Variants in SUN2 observed in about 807,000 individuals in gnomAD.
The protein encoded by SUN2 is Sad1 and UNC84 domain containing 2, also known as SUN domain-containing protein 2.
SUN2 carries 60 observed loss-of-function variants against 100.0 expected under a neutral mutation model. That is an observed-to-expected ratio of 0.60 (90% CI 0.49 to 0.74). The LOEUF (loss-of-function observed/expected upper bound fraction) is 0.74. Ranked by LOEUF, SUN2 falls within the 30% of genes least tolerant of loss-of-function variation. The probability of loss-of-function intolerance (pLI) is 0.00; values close to 1 mark genes in which losing one functional copy is unlikely to be tolerated. For missense variants in SUN2, 834 were observed against 954.6 expected (o/e 0.87, Z 1.66); for synonymous variants, 367 against 403.3 (o/e 0.91, Z 1.08).
In SUN2 at chr22:38,739,043, C is replaced by G; in HGVS notation, c.1664-55G>C. The G allele has an allele frequency of 6.5e-7, 1 of 1,527,532 alleles. No homozygotes were observed. Among genetic ancestry groups the G allele is most frequent in the South Asian group, 1.2e-5 (1 of 84,720 alleles). 94.6% of individuals were successfully genotyped at this position (1,527,532 alleles called of 1,614,324 possible). A position where few individuals can be genotyped will look rare whatever the true frequency, so the allele number is the denominator to read the frequency against. The stretch of plus-strand genomic sequence containing the variant: ...TCCCGCACGGGAGGAGGGCCCCGCT[C>G]AGGCCATTGGCTGTCTCCTCGCTGA... On this transcript the variant is annotated intron_variant, in intron 14 of 17. Coordinates refer to ENST00000689035, the MANE Select transcript of SUN2 (RefSeq NM_015374.3). The surrounding 1 kb of genome is among the most constrained non-coding windows in gnomAD (Gnocchi z 6.7).
At chr22:38,752,360 C>T (rs1360666380) in intron 2 of SUN2, 147 bp downstream of exon 2, 3 of 960,222 alleles carry the variant, frequency 3.1e-6, no homozygotes, top group South Asian at 3.1e-5. Flanking sequence ...GGAAGGACCC[C>T]CTCGACCGGA....
rs549451853 is a variant in SUN2, at chr22:38,751,952, C to A, written c.122+555G>T. On this transcript the variant is annotated intron_variant, in intron 2 of 17. Transcript: ENST00000689035. ...TTATGGTTGAAGCTGCCTCTCTCCA[C>A]TTCCTGTTTTCTTTCTTTCCTTTTT... Among the ~76,000 whole-genome samples, 3 of 152,300 alleles carry A rather than the reference C, an allele frequency of 2.0e-5. No individual in the cohort carries two copies. In the South Asian group the frequency reaches 6.2e-4, roughly 32 times the overall value.
At chr22:38,747,012 C>T (rs1449403911) in intron 7 of SUN2, among the ~76,000 whole-genome samples, 1 of 148,826 alleles carries the variant, frequency 6.7e-6, no homozygotes, top group Non-Finnish European at 1.5e-5. Context: ...CCAGCCTGGG[C>T]GACAGACTCC....
In SUN2 at chr22:38,749,753, G is replaced by A. The variant is rs750349752; in HGVS notation, c.614+13C>T. The A allele has an allele frequency of 6.2e-7, 1 of 1,613,332 alleles. No individual in the cohort carries two copies. The highest frequency in any genetic ancestry group is 2.2e-5 in the East Asian group (1 of 44,890). On this transcript the variant is annotated intron_variant, in intron 6 of 17. Coordinates refer to ENST00000689035, the MANE Select transcript of SUN2 (RefSeq NM_015374.3). The stretch of plus-strand genomic sequence containing the variant: ...GCCTTGCGATTTATTGGCAAGGGTG[G>A]AGTCTCGCTCACCTGGTTAAAACGA...
chr22:38,741,001 C>T lies in SUN2; in HGVS notation c.1190+6G>A, dbSNP rs762466396. 131 of 1,591,206 alleles carry T rather than the reference C, an allele frequency of 8.2e-5. No individual in the cohort carries two copies. The highest frequency in any genetic ancestry group is 1.1e-4 in the Non-Finnish European group (123 of 1,169,050). On this transcript the variant is annotated splice_donor_region_variant and intron_variant, in intron 11 of 17. Coordinates refer to ENST00000689035, the MANE Select transcript of SUN2 (RefSeq NM_015374.3). ...CAGGCCGAGGCCAGCTGGTGGCGCC[C>T]AGTACCTTTGCCACTCTGACTTCAG...
chr22:38,738,155 C>A lies in SUN2; in HGVS notation c.2040+18G>T. ...GGGGAGTCTGCGCCACTTCTGCTAGCACAGCAGCATCCCGTACCTGAAAGT... is the reference window on the plus strand; with the variant it reads ...GGGGAGTCTGCGCCACTTCTGCTAGAACAGCAGCATCCCGTACCTGAAAGT... On this transcript the variant is annotated intron_variant, in intron 17 of 17. Transcript: ENST00000689035. The surrounding 1 kb of genome is among the most constrained non-coding windows in gnomAD (Gnocchi z 6.6). The A allele has an allele frequency of 6.2e-7, 1 of 1,612,146 alleles. No homozygotes were observed. Among genetic ancestry groups the A allele is most frequent in the Non-Finnish European group, 8.5e-7 (1 of 1,178,400 alleles).
intron 1 of SUN2, chr22:38,754,994 A>C: frequency 7.8e-7 from 1 of 1,283,546 alleles, no homozygotes; most frequent in Non-Finnish European, 1.0e-6. Context: ...ACTGCGAATC[A>C]TAATAGACAC....
At position 38,751,329 on chromosome 22, in the gene SUN2, G is replaced by T; in HGVS notation, c.167C>A (p.Ala56Glu). The change falls in exon 3 of 18, where the codon GCG (alanine) becomes GAG (glutamate). Residue 56 changes from alanine (A) to glutamate (E), a missense_variant. Around this residue, in one of 3 missense-constraint regions of SUN2, gnomAD observed 559 missense variants for 597.7 expected, o/e 0.94. Coordinates refer to ENST00000689035, the MANE Select transcript of SUN2 (RefSeq NM_015374.3). The part of the protein sequence containing the change: ...KSSNMKRLSP[A>E]PQLGPSSDAH... ...ATCAGAGGACGGGCCCAGCTGTGGCGCTGGGGACAGGCGCTTCATGTTGCT... is the reference window on the plus strand; with the variant it reads ...ATCAGAGGACGGGCCCAGCTGTGGCTCTGGGGACAGGCGCTTCATGTTGCT... The T allele has an allele frequency of 6.2e-7, 1 of 1,614,078 alleles. No homozygotes were observed. Among genetic ancestry groups the T allele is most frequent in the East Asian group, 2.2e-5 (1 of 44,886 alleles).
At chr22:38,748,608 C>T in intron 7 of SUN2, 105 bp downstream of exon 7, 3 of 1,326,052 alleles carry the variant, frequency 2.3e-6, no homozygotes, top group Non-Finnish European at 3.3e-6. Context: ...TGCCCAGTCA[C>T]AGGCACACCC....
At chr22:38,742,021 TC>T (rs1464591561) in intron 9 of SUN2, among the ~76,000 whole-genome samples, 1 of 151,840 alleles carries the variant, frequency 6.6e-6, no homozygotes, top group Non-Finnish European at 1.5e-5. Flanking sequence ...ACGCCTGTAA[TC>T]CAGCTACTCG....
chr22:38,742,152 AAAAAAAAAG>A lies in SUN2; in HGVS notation c.1068+140_1068+148del, dbSNP rs1298633461. ...AGTGAGATATTGTCTCAAAAAGAAA[AAAAAAAAAG>A]AAAAAAAGAGAAAGGGAGTAACTGC... On this transcript the variant is annotated intron_variant, in intron 9 of 17. Transcript: ENST00000689035. 3.7e-6 allele frequency: 4 copies of A among 1,090,634 alleles called. No individual in the cohort carries two copies. The South Asian group carries it at 5.3e-5, about 14-fold the overall frequency. The allele number at this position is 1,090,634 out of a possible 1,614,324, so 67.6% of individuals were successfully genotyped here.
intron 7 of SUN2, among the ~76,000 whole-genome samples, chr22:38,746,802 C>T (rs1044212685): frequency 6.6e-5 from 10 of 152,094 alleles, no homozygotes; most frequent in Middle Eastern, 3.2e-3. Flanking sequence ...GAGGCCGAGG[C>T]GGGTGGATCA....
intron 7 of SUN2, among the ~76,000 whole-genome samples, chr22:38,748,204 C>T (rs1018113433): frequency 6.6e-6 from 1 of 152,210 alleles, no homozygotes. Context: ...ATCCCAGCTA[C>T]TCGGGAGGCT....
intron 10 of SUN2, 83 bp downstream of exon 10, chr22:38,741,411 G>T: frequency 7.1e-7 from 1 of 1,409,692 alleles, no homozygotes; most frequent in Non-Finnish European, 1.0e-6. Flanking sequence ...CAGTCCCTTT[G>T]GAAGGGCCGA....
intron 1 of SUN2, chr22:38,754,600 ATCTCCCC>A: frequency 8.3e-6 from 7 of 840,154 alleles, no homozygotes; most frequent in Non-Finnish European, 1.2e-5. Context: ...TTATAAGGTA[ATCTCCCC>A]TCCCCCCTCC....
chr22:38,743,917 G>A (rs959466670), intron 8 of SUN2: 1 of 152,124 alleles, frequency 6.6e-6, no homozygotes, highest in Non-Finnish European at 1.5e-5. Context: ...ACCATGGTCT[G>A]GAAAGTAATA....
chr22:38,755,159 G>T lies in SUN2; in HGVS notation c.-38+604C>A. 1.9e-6 allele frequency: 2 copies of T among 1,070,134 alleles called. No homozygotes were observed. The highest frequency in any genetic ancestry group is 2.4e-6 in the Non-Finnish European group (2 of 833,522). The allele number at this position is 1,070,134 out of a possible 1,614,324, so 66.3% of individuals were successfully genotyped here. On this transcript the variant is annotated intron_variant, in intron 1 of 17. Transcript: ENST00000689035. The surrounding 1 kb of genome is among the most constrained non-coding windows in gnomAD (Gnocchi z 5.7). ...TCTTCAGACTTAAACCAGATCTGGG[G>T]CATCTTCCTCGTGACATTTCCACTC...
chr22:38,745,220 C>T (rs1396418350), intron 8 of SUN2: 8 of 470,090 alleles, frequency 1.7e-5, no homozygotes, highest in Non-Finnish European at 4.4e-6. Flanking sequence ...CTGTCCTAGG[C>T]AAGGGCCTTG....
chr22:38,736,176 AAGTC>A lies in SUN2; in HGVS notation c.*87_*90del, dbSNP rs1382803304. On this transcript the variant is annotated 3_prime_UTR_variant, in exon 18 of 18. Coordinates refer to ENST00000689035, the MANE Select transcript of SUN2 (RefSeq NM_015374.3). ...ACAGGCTCCTCTCTTGTGCTCCTAG[AAGTC>A]AGAGCGCCGAGCAAGCGTGTGGGGG... 8 of 1,230,390 alleles carry A rather than the reference AAGTC, an allele frequency of 6.5e-6. No individual in the cohort carries two copies. Among genetic ancestry groups the A allele is most frequent in the African/African-American group, 4.5e-5 (3 of 67,106 alleles). 76.2% of individuals were successfully genotyped at this position (1,230,390 alleles called of 1,614,324 possible).
Sources: allele counts gnomAD v4.1 joint callset (sites outside exome capture counted in the v4.1 genomes callset), GRCh38; gene constraint gnomAD v4.1.1; regional missense constraint gnomAD v4.1.1; non-coding constraint Gnocchi (gnomAD v3.1); transcripts MANE v1.5; gene names NCBI Gene and HGNC (gene_info 2026-07-23, HGNC 2026-07-21).